The following THOC2 variants were observed in gnomAD, a reference collection of about 807,000 sequenced individuals.
The protein encoded by THOC2 is THO complex subunit 2, also known as THO complex 2.
THOC2 carries 10 observed loss-of-function variants against 128.4 expected under a neutral mutation model. The observed-to-expected ratio is 0.08, with a 90% CI of 0.05 to 0.13. The LOEUF (loss-of-function observed/expected upper bound fraction) is 0.13. Among genes scored for constraint, THOC2 ranks in the 10% least tolerant of loss-of-function variants. The pLI is 1.00. For synonymous variants in THOC2, 393 were observed against 396.9 expected (o/e 0.99, Z 0.12); for missense variants, 535 against 1,155.7 (o/e 0.46, Z 7.79).
intron 1 of THOC2, among the ~76,000 whole-genome samples, chrX:123,723,571 C>T (rs1193667868): frequency 6.4e-5 from 7 of 109,893 alleles, no homozygotes; most frequent in South Asian, 3.9e-4. Context: ...TACTGGTATA[C>T]GATGGAGTAT....
At chrX:123,709,471 G>C (rs759936471) in intron 2 of THOC2, among the ~76,000 whole-genome samples, 2 of 110,653 alleles carry the variant, frequency 1.8e-5, no homozygotes, top group South Asian at 7.9e-4. Context: ...GGCGCCTGTA[G>C]TCCCGGCTAC....
intron 7 of THOC2, among the ~76,000 whole-genome samples, chrX:123,689,379 T>C (rs2050130958): frequency 8.9e-6 from 1 of 112,294 alleles, no homozygotes; most frequent in African/African-American, 3.2e-5. Context: ...ATTAATTTTA[T>C]CCATAAGATA....
In THOC2 at chrX:123,638,964, G is replaced by T; in HGVS notation, c.1810C>A (p.Leu604Ile). The T allele has an allele frequency of 8.5e-7, 1 of 1,180,387 alleles. No homozygotes were observed. The highest frequency in any genetic ancestry group is 1.1e-6 in the Non-Finnish European group (1 of 872,810). Reference sequence around the variant, plus strand: ...AAGACATCATAATTCAGTGAAGTGAGGTATTTCAATGAATCTACTACAGGT... The same window carrying T: ...AAGACATCATAATTCAGTGAAGTGATGTATTTCAATGAATCTACTACAGGT... ...ITPVVDSLKYLTSLNYDVLAY... is the reference protein window; with the variant it reads ...ITPVVDSLKYITSLNYDVLAY... The change falls in exon 17 of 39, where the codon CTC becomes ATC. Residue 604 changes from leucine to isoleucine, a missense_variant. Transcript: ENST00000245838.
intron 1 of THOC2, among the ~76,000 whole-genome samples, chrX:123,718,242 C>T (rs1367479357): frequency 8.9e-6 from 1 of 111,967 alleles, no homozygotes; most frequent in African/African-American, 3.2e-5. Flanking sequence ...TATCCACATA[C>T]AGAACAATGA....
chrX:123,619,055 A>G (rs745982696), intron 33 of THOC2, among the ~76,000 whole-genome samples: 25 of 112,215 alleles, frequency 2.2e-4, no homozygotes, highest in African/African-American at 7.7e-4. Context: ...GTTTTGAAAA[A>G]TTAAATAAAC....
In THOC2 at chrX:123,620,953, C is replaced by T. The variant is rs866352621; in HGVS notation, c.4229G>A (p.Arg1410His). The T allele has an allele frequency of 8.3e-7, 1 of 1,209,460 alleles. No individual in the cohort carries two copies. Among genetic ancestry groups the T allele is most frequent in the Admixed American group, 2.2e-5 (1 of 45,831 alleles). Residue 1410 changes from arginine (R) to histidine (H), a missense_variant, in exon 32 of 39, where the codon CGC becomes CAC. Arg to His is a conservative substitution (Grantham distance 29, BLOSUM62 0). Coordinates refer to ENST00000245838, the MANE Select transcript of THOC2 (RefSeq NM_001081550.2). ...IPEPEREQKRRKIDTHPSPSH... is the reference protein window; with the variant it reads ...IPEPEREQKRHKIDTHPSPSH... ...TGGAGAAGGGTGAGTATCAATTTTGCGGCGTTTTTGTTCTGTTAAGACAAA... is the reference window on the plus strand; with the variant it reads ...TGGAGAAGGGTGAGTATCAATTTTGTGGCGTTTTTGTTCTGTTAAGACAAA...
chrX:123,638,798 T>C (rs746186020), intron 17 of THOC2, 136 bp downstream of exon 17: 52 of 389,882 alleles, frequency 1.3e-4, no homozygotes, highest in South Asian at 4.7e-4. Context: ...ACACACACAA[T>C]TGACTGACCA....
chrX:123,723,919 C>A (rs1401028250), intron 1 of THOC2, among the ~76,000 whole-genome samples: 2 of 111,002 alleles, frequency 1.8e-5, no homozygotes, highest in East Asian at 5.6e-4. Context: ...GTTGCCTTGA[C>A]CTGGGTGTAA....
intron 8 of THOC2, among the ~76,000 whole-genome samples, chrX:123,681,762 T>C (rs781347050): frequency 7.1e-5 from 8 of 112,130 alleles, no homozygotes; most frequent in African/African-American, 2.3e-4. Flanking sequence ...TTGGGGACAA[T>C]TTGGAAAATA....
At chrX:123,648,952 T>TG (rs1423393899) in intron 12 of THOC2, among the ~76,000 whole-genome samples, 7 of 112,173 alleles carry the variant, frequency 6.2e-5, no homozygotes, top group Non-Finnish European at 1.3e-4. Context: ...CTCAGCACAG[T>TG]GCTCAAGCTC....
intron 33 of THOC2, 29 bp downstream of exon 33, chrX:123,619,372 T>TA: frequency 1.0e-6 from 1 of 993,532 alleles, no homozygotes; most frequent in Non-Finnish European, 1.4e-6. Context: ...TTGGTTTACT[T>TA]AGGCATGATG....
chrX:123,670,212 G>A lies in THOC2; in HGVS notation c.861+1457C>T, dbSNP rs771778434. Among the ~76,000 whole-genome samples the A allele has an allele frequency of 6.2e-5, 7 of 112,274 alleles. No homozygotes were observed. The South Asian group carries it at 1.1e-3, about 18-fold the overall frequency. The stretch of plus-strand genomic sequence containing the variant: ...GATTCCTTACTATGTCACTTAAGCC[G>A]TTAACAGTTTAGCTTTCTCTATTCC... On this transcript the variant is annotated intron_variant, in intron 9 of 38. Coordinates refer to ENST00000245838, the MANE Select transcript of THOC2 (RefSeq NM_001081550.2).
At chrX:123,658,534 G>A (rs1281134529) in intron 12 of THOC2, among the ~76,000 whole-genome samples, 1 of 112,031 alleles carries the variant, frequency 8.9e-6, no homozygotes, top group African/African-American at 3.2e-5. Context: ...GAGCTATCAA[G>A]CCATGAAAAG....
chrX:123,693,920 G>A lies in THOC2; in HGVS notation c.601+2101C>T, dbSNP rs148964982. Among the ~76,000 whole-genome samples the A allele has an allele frequency of 6.5e-3, 724 of 111,427 alleles. 4 individuals carry two copies. Among genetic ancestry groups the A allele is most frequent in the African/African-American group, 0.022 (667 of 30,647 alleles). ...ATCAAATTGTTTATACTCATAGACTGTCCATATACCTCATGAGCTTGCAGT... is the reference window on the plus strand; with the variant it reads ...ATCAAATTGTTTATACTCATAGACTATCCATATACCTCATGAGCTTGCAGT... On this transcript the variant is annotated intron_variant, in intron 7 of 38. Transcript: ENST00000245838.
chrX:123,608,159 G>A (rs965922153), intron 38 of THOC2, among the ~76,000 whole-genome samples: 1 of 111,472 alleles, frequency 9.0e-6, no homozygotes, highest in Middle Eastern at 4.6e-3. Flanking sequence ...CCAGCACTTT[G>A]GGAGGCCGAG....
intron 38 of THOC2, chrX:123,603,646 C>A (rs2046364422): frequency 5.8e-6 from 3 of 521,394 alleles, no homozygotes; most frequent in Non-Finnish European, 6.8e-6. Context: ...AAATGGACAG[C>A]ACCAGAAGCT....
chrX:123,603,403 G>C lies in THOC2; in HGVS notation c.*19-2065C>G, dbSNP rs150855237. On this transcript the variant is annotated intron_variant, in intron 38 of 38. Transcript: ENST00000245838. The stretch of plus-strand genomic sequence containing the variant: ...TACGTCATTAAGGAACTGGTTCCTG[G>C]AGGCGATTTCCTCTCCTTTCAGAGA... 9.3e-4 allele frequency: 311 copies of C among 336,097 alleles called. 2 individuals carry two copies. The highest frequency in any genetic ancestry group is 7.4e-3 in the African/African-American group (271 of 36,534). 27.7% of individuals were successfully genotyped at this position (336,097 alleles called of 1,213,427 possible). A position where few individuals can be genotyped will look rare whatever the true frequency, so the allele number is the denominator to read the frequency against.
intron 16 of THOC2, among the ~76,000 whole-genome samples, chrX:123,640,190 A>T (rs1297954271): frequency 1.8e-5 from 2 of 111,627 alleles, no homozygotes; most frequent in African/African-American, 6.5e-5. Context: ...TCATCTCAAA[A>T]AAATAAATAA....
intron 8 of THOC2, among the ~76,000 whole-genome samples, chrX:123,676,553 C>A (rs987737317): frequency 8.9e-6 from 1 of 112,319 alleles, no homozygotes; most frequent in African/African-American, 3.2e-5. Context: ...GCAAAGTTGA[C>A]TGATAGTTTT....
Sources: allele counts gnomAD v4.1 joint callset (sites outside exome capture counted in the v4.1 genomes callset), GRCh38; gene constraint gnomAD v4.1.1; transcripts MANE v1.5; gene names NCBI Gene and HGNC (gene_info 2026-07-23, HGNC 2026-07-21).